Variants in AGAP1 observed in about 807,000 individuals in gnomAD.
The protein encoded by AGAP1 is arf-GAP with GTPase, ANK repeat and PH domain-containing protein 1.
AGAP1 carries 29 observed loss-of-function variants against 105.3 expected under a neutral mutation model. The observed-to-expected ratio is 0.28, with a 90% CI of 0.21 to 0.38. The LOEUF is 0.38. AGAP1 is among the 10% of genes least tolerant of loss of function. The pLI is 1.00. For synonymous variants in AGAP1, 509 were observed against 485.9 expected, an observed-to-expected ratio of 1.05 and a Z score of -0.63; for missense variants, 998 against 1,165.1, an observed-to-expected ratio of 0.86 and a Z score of 2.09.
chr2:235,955,200 G>C (rs1354305995), intron 12 of AGAP1, among the ~76,000 whole-genome samples: 2 of 152,176 alleles, frequency 1.3e-5, no homozygotes, highest in Non-Finnish European at 2.9e-5. Context: ...AGTCTGTGCG[G>C]TTCCAGTTCA....
At chr2:236,067,651 C>A (rs368895820) in intron 16 of AGAP1, among the ~76,000 whole-genome samples, 26 of 152,238 alleles carry the variant, frequency 1.7e-4, no homozygotes, top group Middle Eastern at 3.4e-3. Context: ...ATGATGTGGC[C>A]AAGACTGGGA....
chr2:236,094,931 A>G (rs1184271388), intron 16 of AGAP1, among the ~76,000 whole-genome samples: 2 of 144,628 alleles, frequency 1.4e-5, no homozygotes, highest in Non-Finnish European at 3.0e-5. Flanking sequence ...TACAAAAAAA[A>G]AAAAAAAAAA....
At position 235,550,362 on chromosome 2, in the gene AGAP1, A is replaced by G. The variant is rs56345798; in HGVS notation, c.163+55513A>G. Among the ~76,000 whole-genome samples the G allele has an allele frequency of 0.04, 6,124 of 152,330 alleles. 166 individuals are homozygous for G. Among genetic ancestry groups the G allele is most frequent in the Middle Eastern group, 0.15 (43 of 294 alleles). On this transcript the variant is annotated intron_variant, in intron 1 of 17. Transcript: ENST00000304032. This position sits in a 1 kb window ranked among gnomAD's most constrained non-coding sequence, Gnocchi z 4.6. ...TCCCTTTGCCTTTTGAGCTCTTCAT[A>G]AAATCACTGCCAGTGACTTCTCATA...
In AGAP1 at chr2:235,751,467, T is replaced by C. The variant is rs1415258520; in HGVS notation, c.673+979T>C. ...GCTCTCCAGAGAGTGCTGGAGCCGC[T>C]TCAAGGTGATGGAGGACTCGCCGCG... On this transcript the variant is annotated intron_variant, in intron 6 of 17. Transcript: ENST00000304032. This position sits in a 1 kb window ranked among gnomAD's most constrained non-coding sequence, Gnocchi z 5.3. Among the ~76,000 whole-genome samples, 4 of 152,064 alleles carry C rather than the reference T, an allele frequency of 2.6e-5. No homozygotes were observed.
chr2:235,874,162 T>G lies in AGAP1; in HGVS notation c.1051-9183T>G, dbSNP rs945710643. On this transcript the variant is annotated intron_variant, in intron 9 of 17. Transcript: ENST00000304032. This position sits in a 1 kb window ranked among gnomAD's most constrained non-coding sequence, Gnocchi z 4.5. ...AACCTCTCCCTCCAACCAATTGCCC[T>G]ACCTCAGCCTCCCAAGTAGCTAGGT... Among the ~76,000 whole-genome samples the G allele has an allele frequency of 1.3e-5, 2 of 152,122 alleles. No individual in the cohort carries two copies. Among genetic ancestry groups the G allele is most frequent in the Non-Finnish European group, 2.9e-5 (2 of 68,000 alleles).
chr2:235,702,207 C>T (rs1030255042), intron 1 of AGAP1, among the ~76,000 whole-genome samples: 2 of 152,142 alleles, frequency 1.3e-5, no homozygotes, highest in Non-Finnish European at 2.9e-5. Context: ...TGGCTGCATG[C>T]TGTGCTTCTA....
Position 236,126,581 on chromosome 2 carries a change from A to G in AGAP1, c.*2459A>G, listed in dbSNP as rs2060007398. 6.6e-6 allele frequency: 1 copy of G among 152,156 alleles called. No homozygotes were observed. The highest frequency in any genetic ancestry group is 2.1e-4 in the South Asian group (1 of 4,832). The allele number at this position is 152,156 out of a possible 1,614,324, so 9.4% of individuals were successfully genotyped here. A position where few individuals can be genotyped will look rare whatever the true frequency, so the allele number is the denominator to read the frequency against. On this transcript the variant is annotated 3_prime_UTR_variant, in exon 18 of 18. Coordinates refer to ENST00000304032, the MANE Select transcript of AGAP1 (RefSeq NM_001037131.3). ...GACTTCTTGTTTCACTTTGCCTTCC[A>G]CAACCTGAATGCCAGATTGGTTTTT...
chr2:235,922,201 G>A (rs372940328), intron 11 of AGAP1, among the ~76,000 whole-genome samples: 58 of 152,292 alleles, frequency 3.8e-4, no homozygotes, highest in South Asian at 2.7e-3. Flanking sequence ...GAAGAAAGCC[G>A]TCCCTGGATG....
chr2:235,866,768 T>C lies in AGAP1; in HGVS notation c.1051-16577T>C, dbSNP rs1459955020. Among the ~76,000 whole-genome samples, 1 of 152,234 alleles carries C rather than the reference T, an allele frequency of 6.6e-6. No individual in the cohort carries two copies. The highest frequency in any genetic ancestry group is 2.4e-5 in the African/African-American group (1 of 41,470). On this transcript the variant is annotated intron_variant, in intron 9 of 17. Transcript: ENST00000304032. The surrounding 1 kb of genome is among the most constrained non-coding windows in gnomAD (Gnocchi z 6.1). ...TTCTCCTGAAGCCTCTCTCCTTGGC[T>C]TGCAGACAGCCATCTTCTCCCTGTG...
chr2:235,522,720 C>T (rs1574756910), intron 1 of AGAP1, among the ~76,000 whole-genome samples: 1 of 152,120 alleles, frequency 6.6e-6, no homozygotes, highest in Admixed American at 6.6e-5. Context: ...GAAAGACAAG[C>T]AAGATGGGAG....
In AGAP1 at chr2:235,750,553, AG is replaced by A; in HGVS notation, c.673+66del. 1 of 1,605,246 alleles carries A rather than the reference AG, an allele frequency of 6.2e-7. No individual in the cohort carries two copies. Among genetic ancestry groups the A allele is most frequent in the Non-Finnish European group, 8.5e-7 (1 of 1,173,302 alleles). On this transcript the variant is annotated intron_variant, in intron 6 of 17. Transcript: ENST00000304032. This position sits in a 1 kb window ranked among gnomAD's most constrained non-coding sequence, Gnocchi z 5.3. ...TAGACGGGAGGCACTTCAAGAAGTC[AG>A]TCCTGCCTGCACTTGTGCATGTGGG...
chr2:235,523,738 G>A (rs1488100142), intron 1 of AGAP1, among the ~76,000 whole-genome samples: 1 of 152,102 alleles, frequency 6.6e-6, no homozygotes, highest in Non-Finnish European at 1.5e-5. Flanking sequence ...GGTGGCCTTG[G>A]GTCGAAAGGC....
At chr2:235,668,511 GC>G (rs1258257803) in intron 1 of AGAP1, among the ~76,000 whole-genome samples, 1 of 152,236 alleles carries the variant, frequency 6.6e-6, no homozygotes, top group African/African-American at 2.4e-5. Context: ...GCATTTCTAG[GC>G]CTGGAGAAGG....
chr2:235,707,649 A>G (rs11677572), intron 1 of AGAP1, among the ~76,000 whole-genome samples: 8,329 of 33,336 alleles, frequency 0.25, 1,194 homozygotes, highest in African/African-American at 0.48. Context: ...ATGTGACATG[A>G]TGGGTTGTGC....
intron 1 of AGAP1, among the ~76,000 whole-genome samples, chr2:235,514,435 C>T (rs61113854): frequency 6.6e-6 from 1 of 152,376 alleles, no homozygotes; most frequent in East Asian, 1.9e-4. Flanking sequence ...TGCCGTGGCC[C>T]TGCCTGCTCT....
chr2:236,030,326 T>TACTTTGGATCTAAATCTGCTA (rs2057187181), intron 13 of AGAP1, among the ~76,000 whole-genome samples: 2 of 152,226 alleles, frequency 1.3e-5, no homozygotes, highest in Admixed American at 6.5e-5. Context: ...GTATCAGTAA[T>TACTTTGGATCTAAATCTGCTA]ACTTTGGATC....
rs1368634819 is a variant in AGAP1, at chr2:235,888,106, G to T, written c.1155+4657G>T. Among the ~76,000 whole-genome samples the T allele has an allele frequency of 6.6e-6, 1 of 152,182 alleles. No individual in the cohort carries two copies. Among genetic ancestry groups the T allele is most frequent in the Admixed American group, 6.5e-5 (1 of 15,278 alleles). Reference sequence around the variant, plus strand: ...TTGCTTATCATGTTAAATTCAGGGAGCTGGGGAGAGGGTCTTGCACACAAG... The same window carrying T: ...TTGCTTATCATGTTAAATTCAGGGATCTGGGGAGAGGGTCTTGCACACAAG... On this transcript the variant is annotated intron_variant, in intron 10 of 17. Transcript: ENST00000304032. This position sits in a 1 kb window ranked among gnomAD's most constrained non-coding sequence, Gnocchi z 4.8.
intron 11 of AGAP1, among the ~76,000 whole-genome samples, chr2:235,915,713 G>C (rs578067978): frequency 5.3e-5 from 8 of 152,222 alleles, no homozygotes; most frequent in African/African-American, 1.9e-4. Flanking sequence ...AGGAGAAAAA[G>C]TTTTATGAAT....
chr2:236,016,888 G>A (rs1354191858), intron 13 of AGAP1, among the ~76,000 whole-genome samples: 2 of 152,146 alleles, frequency 1.3e-5, no homozygotes, highest in African/African-American at 2.4e-5. Context: ...TCAAGGTCAT[G>A]TATGAATTTT....
Sources: allele counts gnomAD v4.1 joint callset (sites outside exome capture counted in the v4.1 genomes callset), GRCh38; gene constraint gnomAD v4.1.1; non-coding constraint Gnocchi (gnomAD v3.1); transcripts MANE v1.5; gene names NCBI Gene and HGNC (gene_info 2026-07-23, HGNC 2026-07-21).